Variants in NBAS observed in about 807,000 individuals in gnomAD.
NBAS encodes the protein NAG/BC035112 fusion.
In NBAS, 219 loss-of-function variants were observed where a neutral mutation model predicts 302.5. The ratio of observed to expected loss-of-function variants is 0.72; its 90% CI spans 0.65 to 0.81. The LOEUF (loss-of-function observed/expected upper bound fraction) is 0.81, where lower values mean the gene tolerates loss of function less well. NBAS is among the 30% of genes least tolerant of loss of function. The pLI is 0.00. For missense variants in NBAS, 2,932 were observed against 2,841.6 expected, an observed-to-expected ratio of 1.03 and a Z score of -0.72; for synonymous variants, 1,118 against 1,021.6, an observed-to-expected ratio of 1.09 and a Z score of -1.80.
In NBAS at chr2:15,473,394, C is replaced by T. The variant is rs376511939; in HGVS notation, c.1600-47G>A. ...CAGGAATGTTACATGACTGAATTAT[C>T]CACAGGGTCCTGATGATGATACAAT... On this transcript the variant is annotated intron_variant, in intron 15 of 51. Coordinates refer to ENST00000281513, the MANE Select transcript of NBAS (RefSeq NM_015909.4). 44 of 1,605,636 alleles carry T rather than the reference C, an allele frequency of 2.7e-5. No individual in the cohort carries two copies. In the African/African-American group the frequency reaches 5.1e-4, roughly 19 times the overall value.
At chr2:15,279,042 T>C (rs1222747127) in intron 42 of NBAS, among the ~76,000 whole-genome samples, 2 of 152,146 alleles carry the variant, frequency 1.3e-5, no homozygotes, top group African/African-American at 4.8e-5. Flanking sequence ...TATGGGACAG[T>C]GAATCACAGA....
intron 40 of NBAS, among the ~76,000 whole-genome samples, chr2:15,293,389 C>T (rs549247434): frequency 2.4e-4 from 36 of 152,294 alleles, no homozygotes; most frequent in African/African-American, 7.5e-4. Context: ...TATTATTCTA[C>T]GATTCTTAGC....
chr2:14,872,210 A>G, the NBAS span, among the ~76,000 whole-genome samples: 2 of 152,198 alleles, frequency 1.3e-5, no homozygotes, highest in African/African-American at 4.8e-5. Context: ...ATATTTATGT[A>G]TAACAATAGA....
In NBAS at chr2:15,292,746, G is replaced by A; in HGVS notation, c.4818C>T (p.Ile1606=). 1 of 1,614,140 alleles carries A rather than the reference G, an allele frequency of 6.2e-7. No homozygotes were observed. The highest frequency in any genetic ancestry group is 8.5e-7 in the Non-Finnish European group (1 of 1,180,024). Residue 1606 remains isoleucine (I), a synonymous_variant, in exon 41 of 52, where the codon ATC becomes ATT. Coordinates refer to ENST00000281513, the MANE Select transcript of NBAS (RefSeq NM_015909.4). ...PLYRADPKEL[I]KMVTRHVTRH... ...GAGTCACATGCCTGGTGACCATCTT[G>A]ATTAGTTCTTTGGGATCAGCCTATG...
At chr2:15,189,160 G>C (rs1292811063) in intron 49 of NBAS, among the ~76,000 whole-genome samples, 3 of 152,300 alleles carry the variant, frequency 2.0e-5, no homozygotes, top group Middle Eastern at 3.4e-3. Context: ...ATTTCAAATA[G>C]TGAAGGTAAA....
At chr2:15,485,448 C>T (rs1254156020) in intron 12 of NBAS, among the ~76,000 whole-genome samples, 1 of 152,114 alleles carries the variant, frequency 6.6e-6, no homozygotes, top group African/African-American at 2.4e-5. Context: ...AATAAGTATT[C>T]TTCCACTTAT....
intron 40 of NBAS, among the ~76,000 whole-genome samples, chr2:15,303,806 TAGGCCAAAA>T (rs1670913686): frequency 6.6e-6 from 1 of 152,232 alleles, no homozygotes; most frequent in Non-Finnish European, 1.5e-5. Flanking sequence ...CTGAAGATTA[TAGGCCAAAA>T]TGTGGCTGTG....
intron 44 of NBAS, among the ~76,000 whole-genome samples, chr2:15,246,874 G>C (rs1367871574): frequency 6.6e-6 from 1 of 152,162 alleles, no homozygotes; most frequent in African/African-American, 2.4e-5. Context: ...TAAATACGGA[G>C]AGATAAAAGA....
intron 21 of NBAS, among the ~76,000 whole-genome samples, chr2:15,431,682 T>C (rs1458876872): frequency 6.6e-6 from 1 of 152,136 alleles, no homozygotes; most frequent in African/African-American, 2.4e-5. Context: ...AAAATGGATA[T>C]GTCAAGGAGG....
chr2:14,921,505 A>T, the NBAS span, among the ~76,000 whole-genome samples: 10 of 152,324 alleles, frequency 6.6e-5, no homozygotes, highest in East Asian at 1.9e-3. Context: ...TAGAAATTAA[A>T]CTTAAAAATA....
chr2:15,130,773 A>G, the NBAS span, among the ~76,000 whole-genome samples: 1 of 151,888 alleles, frequency 6.6e-6, no homozygotes, highest in Non-Finnish European at 1.5e-5. Flanking sequence ...CATTCCCTTG[A>G]CCCCTCCCAT....
At chr2:15,034,268 G>C in the NBAS span, among the ~76,000 whole-genome samples, 3 of 99,714 alleles carry the variant, frequency 3.0e-5, 1 homozygote, top group Non-Finnish European at 6.2e-5. Context: ...AAGAAAGAAA[G>C]AAAGAAAGAG....
chr2:15,173,545 C>T (rs751894922), intron 51 of NBAS, among the ~76,000 whole-genome samples: 2 of 152,166 alleles, frequency 1.3e-5, no homozygotes, highest in East Asian at 1.9e-4. Flanking sequence ...CGTAAGTATA[C>T]GCTTGAGAAA....
chr2:14,786,780 G>GA, the NBAS span, among the ~76,000 whole-genome samples: 5 of 152,092 alleles, frequency 3.3e-5, no homozygotes, highest in Admixed American at 6.6e-5. Flanking sequence ...GTGTGGTGCT[G>GA]AAAAAAATGT....
the NBAS span, among the ~76,000 whole-genome samples, chr2:15,052,893 G>C: frequency 6.6e-6 from 1 of 152,120 alleles, no homozygotes; most frequent in African/African-American, 2.4e-5. Context: ...ATAACAAAAA[G>C]ATTTTTAAGT....
chr2:15,422,538 T>G (rs1193816343), intron 23 of NBAS, among the ~76,000 whole-genome samples: 2 of 151,686 alleles, frequency 1.3e-5, no homozygotes, highest in Admixed American at 1.3e-4. Context: ...AATAACAAAA[T>G]AGTTGATTGT....
the NBAS span, among the ~76,000 whole-genome samples, chr2:14,996,015 C>T: frequency 1.3e-5 from 2 of 152,094 alleles, no homozygotes; most frequent in African/African-American, 2.4e-5. Flanking sequence ...TCCAGCATCA[C>T]CAGGCCTGTT....
chr2:14,997,941 T>C, the NBAS span, among the ~76,000 whole-genome samples: 1 of 152,154 alleles, frequency 6.6e-6, no homozygotes, highest in African/African-American at 2.4e-5. Flanking sequence ...AGAGGCACAA[T>C]CCTAATTTAT....
chr2:14,809,840 G>A, the NBAS span, among the ~76,000 whole-genome samples: 1 of 152,198 alleles, frequency 6.6e-6, no homozygotes, highest in Admixed American at 6.5e-5. Context: ...ATCCTGCAAA[G>A]CCACAGGGGT....
Sources: gnomAD v4.1 joint callset for allele counts (sites outside exome capture counted in the v4.1 genomes callset) on GRCh38, gnomAD v4.1.1 for gene constraint, MANE v1.5 for transcripts, NCBI Gene and HGNC (gene_info 2026-07-23, HGNC 2026-07-21) for gene names.